Variants in MYT1L observed in about 807,000 individuals in gnomAD.
MYT1L encodes the protein myelin transcription factor 1-like protein.
MYT1L carries 12 observed loss-of-function variants against 126.7 expected under a neutral mutation model. The ratio of observed to expected loss-of-function variants is 0.09; its 90% CI spans 0.06 to 0.15. MYT1L has a LOEUF of 0.15. Ranked by LOEUF, MYT1L falls within the 10% of genes least tolerant of loss-of-function variation. The pLI is 1.00. For synonymous variants in MYT1L, 541 were observed against 604.2 expected, an observed-to-expected ratio of 0.90 and a Z score of 1.53; for missense variants, 979 against 1,585.2, an observed-to-expected ratio of 0.62 and a Z score of 6.49.
intron 4 of MYT1L, among the ~76,000 whole-genome samples, chr2:2,000,287 A>AG (rs1254621958): frequency 1.3e-5 from 2 of 152,190 alleles, no homozygotes; most frequent in Non-Finnish European, 1.5e-5. Flanking sequence ...GTCCCAGGGC[A>AG]GGGGGGTCAA....
At chr2:1,963,251 T>C (rs2059106497) in intron 8 of MYT1L, among the ~76,000 whole-genome samples, 1 of 152,204 alleles carries the variant, frequency 6.6e-6, no homozygotes, top group Admixed American at 6.5e-5. Flanking sequence ...TTTTCCCCCT[T>C]GGGAAGTAGG....
At position 2,269,080 on chromosome 2, in the gene MYT1L, A is replaced by G. The variant is rs537072653; in HGVS notation, c.-421+15324T>C. On this transcript the variant is annotated intron_variant, in intron 2 of 24. Coordinates refer to ENST00000647738, the MANE Select transcript of MYT1L (RefSeq NM_001303052.2). ...AGTCTCCTGTGTGTGGGGTGCACCC[A>G]GGCCTGGGCTGGGGCTCAGTGATCA... Among the ~76,000 whole-genome samples, 72 of 152,284 alleles carry G rather than the reference A, an allele frequency of 4.7e-4. 1 individual carries two copies. Among genetic ancestry groups the G allele is most frequent in the African/African-American group, 1.7e-3 (70 of 41,576 alleles).
intron 4 of MYT1L, among the ~76,000 whole-genome samples, chr2:2,032,197 C>A (rs1460972368): frequency 6.6e-5 from 5 of 75,672 alleles, no homozygotes; most frequent in South Asian, 7.5e-4. Context: ...TGGCCCAGAG[C>A]AGATTCTAGA....
intron 2 of MYT1L, among the ~76,000 whole-genome samples, chr2:2,185,786 G>A (rs1467436980): frequency 7.5e-6 from 1 of 133,012 alleles, no homozygotes; most frequent in Non-Finnish European, 1.6e-5. Flanking sequence ...GGGGGACGCA[G>A]CCGGGCCTTC....
At chr2:2,062,447 T>C (rs2070652675) in intron 3 of MYT1L, among the ~76,000 whole-genome samples, 2 of 152,232 alleles carry the variant, frequency 1.3e-5, no homozygotes, top group African/African-American at 4.8e-5. Flanking sequence ...TCTTGAAAGC[T>C]TGGGCTGTAA....
intron 18 of MYT1L, among the ~76,000 whole-genome samples, chr2:1,853,289 G>A (rs2043508559): frequency 6.6e-6 from 1 of 152,170 alleles, no homozygotes; most frequent in Non-Finnish European, 1.5e-5. Context: ...TTTTAAAAGA[G>A]GAGTTTGGGG....
At chr2:1,898,610 TG>T (rs1240388217) in intron 14 of MYT1L, among the ~76,000 whole-genome samples, 1 of 152,110 alleles carries the variant, frequency 6.6e-6, no homozygotes, top group Non-Finnish European at 1.5e-5. Flanking sequence ...TTGCGGCCCG[TG>T]GGAAGACAGG....
intron 1 of MYT1L, among the ~76,000 whole-genome samples, chr2:2,313,577 A>G (rs771340782): frequency 5.3e-5 from 8 of 152,128 alleles, no homozygotes; most frequent in Non-Finnish European, 1.2e-4. Flanking sequence ...TCAAAGACTC[A>G]ATATAGGGAA....
chr2:2,330,706 GT>G (rs2096279671), intron 1 of MYT1L, among the ~76,000 whole-genome samples: 2 of 152,150 alleles, frequency 1.3e-5, no homozygotes, highest in South Asian at 4.2e-4. Context: ...CATGCACCCC[GT>G]TTTGTTTTTG....
chr2:1,863,660 A>G (rs994180953), intron 18 of MYT1L, among the ~76,000 whole-genome samples: 3 of 137,420 alleles, frequency 2.2e-5, no homozygotes, highest in African/African-American at 7.9e-5. Flanking sequence ...CAGGAGGGAT[A>G]GAAACGGTAT....
At chr2:1,937,550 G>A (rs1045676911) in intron 9 of MYT1L, among the ~76,000 whole-genome samples, 24 of 149,494 alleles carry the variant, frequency 1.6e-4, no homozygotes, top group African/African-American at 5.7e-4. Context: ...CCATCAGATC[G>A]CACAGTGAGA....
rs1029948224 is a variant in MYT1L at position 2,224,264 on chromosome 2, C to T, written c.-420-51276G>A. On this transcript the variant is annotated intron_variant, in intron 2 of 24. Coordinates refer to ENST00000647738, the MANE Select transcript of MYT1L (RefSeq NM_001303052.2). This position sits in a 1 kb window ranked among gnomAD's most constrained non-coding sequence, Gnocchi z 4.0. ...TCTGAGAGCCCATTGTGCACTCCCT[C>T]ATTTAAAATAGCAGGGTGTGACAGC... Among the ~76,000 whole-genome samples, 3 of 152,078 alleles carry T rather than the reference C, an allele frequency of 2.0e-5. No homozygotes were observed. Among genetic ancestry groups the T allele is most frequent in the African/African-American group, 7.2e-5 (3 of 41,408 alleles).
intron 18 of MYT1L, among the ~76,000 whole-genome samples, chr2:1,883,233 T>A (rs1007659267): frequency 1.3e-5 from 2 of 152,234 alleles, no homozygotes; most frequent in Non-Finnish European, 2.9e-5. Context: ...AATGGAAGCC[T>A]ATTTGTTGGC....
At chr2:2,111,228 G>A (rs2079411586) in intron 3 of MYT1L, among the ~76,000 whole-genome samples, 1 of 152,184 alleles carries the variant, frequency 6.6e-6, no homozygotes, top group African/African-American at 2.4e-5. Context: ...TACACCTCAA[G>A]CCCTACCACT....
intron 2 of MYT1L, among the ~76,000 whole-genome samples, chr2:2,181,265 C>T (rs1419185135): frequency 6.7e-6 from 1 of 150,194 alleles, no homozygotes; most frequent in African/African-American, 2.5e-5. Context: ...TGTATCTGTA[C>T]CTGTGTGTAC....
At chr2:2,265,795 C>T (rs1422894901) in intron 2 of MYT1L, among the ~76,000 whole-genome samples, 1 of 152,088 alleles carries the variant, frequency 6.6e-6, no homozygotes, top group Non-Finnish European at 1.5e-5. Flanking sequence ...GTAATGGAGA[C>T]ATTTACGTTT....
chr2:2,327,291 G>C (rs1422755704), intron 1 of MYT1L, among the ~76,000 whole-genome samples: 2 of 152,040 alleles, frequency 1.3e-5, no homozygotes. Context: ...CAAGTTTGTG[G>C]TATCTTTTGT....
intron 9 of MYT1L, among the ~76,000 whole-genome samples, chr2:1,935,411 C>T (rs1299981891): frequency 6.6e-6 from 1 of 152,074 alleles, no homozygotes; most frequent in Non-Finnish European, 1.5e-5. Flanking sequence ...GATATACTTG[C>T]TGCGTGTGGG....
intron 3 of MYT1L, among the ~76,000 whole-genome samples, chr2:2,092,309 G>GA (rs1349876017): frequency 1.3e-5 from 2 of 151,798 alleles, no homozygotes; most frequent in South Asian, 2.1e-4. Flanking sequence ...GTTTAGAAGG[G>GA]GGAGATAGAA....
Sources: allele counts gnomAD v4.1 joint callset (sites outside exome capture counted in the v4.1 genomes callset), GRCh38; gene constraint gnomAD v4.1.1; non-coding constraint Gnocchi (gnomAD v3.1); transcripts MANE v1.5; gene names NCBI Gene and HGNC (gene_info 2026-07-23, HGNC 2026-07-21).